Variants in CCBE1 observed in about 807,000 individuals in gnomAD.
CCBE1 encodes collagen and calcium binding EGF domains 1, also known as collagen and calcium-binding EGF domain-containing protein 1.
CCBE1 carries 37 observed loss-of-function variants against 50.0 expected under a neutral mutation model. The observed-to-expected ratio is 0.74, with a 90% CI of 0.57 to 0.97. CCBE1 has a LOEUF of 0.97. CCBE1 is among the 50% of genes least tolerant of loss of function. The pLI is 0.00. For synonymous variants in CCBE1, 234 were observed against 203.7 expected (o/e 1.15, Z -1.27); for missense variants, 538 against 523.8 (o/e 1.03, Z -0.26).
intron 7 of CCBE1, among the ~76,000 whole-genome samples, chr18:59,446,406 C>T (rs758114259): frequency 6.6e-6 from 1 of 152,148 alleles, no homozygotes; most frequent in Non-Finnish European, 1.5e-5. Context: ...TAAGGAGAGA[C>T]CCCAGTCTGT....
chr18:59,581,157 T>C (rs1182976902), intron 2 of CCBE1, among the ~76,000 whole-genome samples: 1 of 152,026 alleles, frequency 6.6e-6, no homozygotes, highest in Non-Finnish European at 1.5e-5. Context: ...TTCAAGGCAC[T>C]CCCACTCATG....
chr18:59,463,818 T>C (rs1598922005), intron 5 of CCBE1, among the ~76,000 whole-genome samples: 1 of 152,206 alleles, frequency 6.6e-6, no homozygotes, highest in Non-Finnish European at 1.5e-5. Context: ...AGCATATAAG[T>C]GGGATTTCAC....
At chr18:59,517,311 C>A (rs1914414544) in intron 2 of CCBE1, among the ~76,000 whole-genome samples, 2 of 152,168 alleles carry the variant, frequency 1.3e-5, no homozygotes, top group South Asian at 2.1e-4. Flanking sequence ...TGTAAGGAAT[C>A]CTGGGTATTT....
chr18:59,473,078 A>T (rs1912114722), intron 3 of CCBE1, among the ~76,000 whole-genome samples: 2 of 152,314 alleles, frequency 1.3e-5, no homozygotes, highest in South Asian at 2.1e-4. Flanking sequence ...GACACAGCCA[A>T]ACCATATATC....
intron 2 of CCBE1, among the ~76,000 whole-genome samples, chr18:59,675,837 A>G (rs2054493999): frequency 3.3e-5 from 5 of 152,240 alleles, no homozygotes; most frequent in African/African-American, 1.2e-4. Flanking sequence ...AAGGAATCTA[A>G]CAGTAATGTC....
chr18:59,586,455 C>T (rs1275953014), intron 2 of CCBE1, among the ~76,000 whole-genome samples: 2 of 152,192 alleles, frequency 1.3e-5, no homozygotes, highest in Admixed American at 6.5e-5. Context: ...CTGTGTTTAG[C>T]TTCAACAAGC....
Position 59,469,460 on chromosome 18 carries a change from AT to A in CCBE1, c.400+12del, listed in dbSNP as rs1911916370. ...ATGTTCAGAAGCTGGAAACAAGCAC[AT>A]TCCCAACACACCCAGACAGTATGGC... On this transcript the variant is annotated intron_variant, in intron 4 of 10. Transcript: ENST00000439986. 2 of 1,614,068 alleles carry A rather than the reference AT, an allele frequency of 1.2e-6. No homozygotes were observed. The highest frequency in any genetic ancestry group is 2.7e-5 in the African/African-American group (2 of 74,946).
intron 2 of CCBE1, among the ~76,000 whole-genome samples, chr18:59,661,623 C>T (rs1427395785): frequency 6.6e-6 from 1 of 152,122 alleles, no homozygotes; most frequent in African/African-American, 2.4e-5. Context: ...CTCAACCAAT[C>T]AATATATAAC....
chr18:59,530,981 T>A (rs1238403835), intron 2 of CCBE1, among the ~76,000 whole-genome samples: 4 of 152,232 alleles, frequency 2.6e-5, no homozygotes, highest in African/African-American at 9.6e-5. Context: ...GAGCAAACTT[T>A]TCCATTTAGA....
intron 5 of CCBE1, chr18:59,462,620 A>G (rs1005174480): frequency 9.9e-5 from 15 of 151,934 alleles, no homozygotes; most frequent in African/African-American, 3.4e-4. Flanking sequence ...AACAGCTCAA[A>G]CGATCCTCCC....
At chr18:59,539,636 C>T (rs1277171484) in intron 2 of CCBE1, among the ~76,000 whole-genome samples, 1 of 152,168 alleles carries the variant, frequency 6.6e-6, no homozygotes, top group Non-Finnish European at 1.5e-5. Flanking sequence ...AAAAATCAGA[C>T]AAGGCATAAG....
At chr18:59,444,272 G>A (rs1910574941) in intron 7 of CCBE1, among the ~76,000 whole-genome samples, 1 of 152,022 alleles carries the variant, frequency 6.6e-6, no homozygotes, top group African/African-American at 2.4e-5. Context: ...ATTCTTTGGG[G>A]TATATTCCCA....
intron 2 of CCBE1, among the ~76,000 whole-genome samples, chr18:59,560,064 G>C (rs1259032329): frequency 6.6e-6 from 1 of 152,222 alleles, no homozygotes; most frequent in Non-Finnish European, 1.5e-5. Context: ...TTCTCTTGCA[G>C]GTTTAGAAGC....
intron 2 of CCBE1, among the ~76,000 whole-genome samples, chr18:59,488,456 A>G (rs1423249072): frequency 6.6e-6 from 1 of 152,220 alleles, no homozygotes; most frequent in Non-Finnish European, 1.5e-5. Flanking sequence ...TCTGGGTTTT[A>G]ACTGTTCAAA....
intron 2 of CCBE1, among the ~76,000 whole-genome samples, chr18:59,483,779 A>C (rs192259370): frequency 2.8e-4 from 42 of 152,324 alleles, no homozygotes; most frequent in African/African-American, 9.6e-4. Flanking sequence ...CTTCAAAAGC[A>C]TATGAAGTAT....
intron 2 of CCBE1, among the ~76,000 whole-genome samples, chr18:59,491,814 C>CCAAACAAACAAACAAACAAA (rs201367103): frequency 2.6e-5 from 1 of 37,792 alleles, no homozygotes; most frequent in African/African-American, 1.2e-4. Flanking sequence ...GACTCTGTCT[C>CCAAACAAACAAACAAACAAA]CAAACAAACA....
At chr18:59,480,143 AGT>A in intron 3 of CCBE1, 41 bp downstream of exon 3, 1 of 1,172,506 alleles carries the variant, frequency 8.5e-7, no homozygotes, top group Non-Finnish European at 1.3e-6. Flanking sequence ...TTGAATGATT[AGT>A]TGTGAATAAA....
chr18:59,542,449 T>G (rs576296029), intron 2 of CCBE1, among the ~76,000 whole-genome samples: 1 of 152,182 alleles, frequency 6.6e-6, no homozygotes, highest in East Asian at 1.9e-4. Flanking sequence ...AGAAATTATA[T>G]AAAATGAAAG....
At chr18:59,599,544 T>TCA (rs1444519283) in intron 2 of CCBE1, among the ~76,000 whole-genome samples, 5 of 152,186 alleles carry the variant, frequency 3.3e-5, no homozygotes, top group Admixed American at 3.3e-4. Context: ...TATGGCTCAC[T>TCA]CATATAGTCA....
Sources: allele counts gnomAD v4.1 joint callset (sites outside exome capture counted in the v4.1 genomes callset), GRCh38; gene constraint gnomAD v4.1.1; transcripts MANE v1.5; gene names NCBI Gene and HGNC (gene_info 2026-07-23, HGNC 2026-07-21).